The following NME7 variants were observed in gnomAD, a reference collection of about 807,000 sequenced individuals.
NME7 encodes the protein NME/NM23 family member 7, also known as nucleoside diphosphate kinase 7.
In NME7, 41 loss-of-function variants were observed where a neutral mutation model predicts 49.1. The ratio of observed to expected loss-of-function variants is 0.83; its 90% CI spans 0.65 to 1.08. The LOEUF (loss-of-function observed/expected upper bound fraction) is 1.08, where lower values mean the gene tolerates loss of function less well. Among genes scored for constraint, NME7 ranks in the 50% least tolerant of loss-of-function variants. The pLI is 0.00. For synonymous variants in NME7, 139 were observed against 150.6 expected (o/e 0.92, Z 0.56); for missense variants, 423 against 463.4 (o/e 0.91, Z 0.80).
intron 10 of NME7, among the ~76,000 whole-genome samples, chr1:169,185,131 A>C (rs1288294286): frequency 2.0e-5 from 3 of 152,198 alleles, no homozygotes; most frequent in African/African-American, 7.2e-5. Flanking sequence ...TAGTTCAGCA[A>C]AATGCAATTG....
chr1:169,231,169 T>A (rs1647597502), intron 9 of NME7, among the ~76,000 whole-genome samples: 1 of 152,164 alleles, frequency 6.6e-6, no homozygotes, highest in African/African-American at 2.4e-5. Flanking sequence ...AAAGGTTTTA[T>A]CCTAAAAAAC....
chr1:169,184,300 T>C lies in NME7; in HGVS notation c.991-14746A>G, dbSNP rs1040357453. Among the ~76,000 whole-genome samples the C allele has an allele frequency of 2.6e-5, 4 of 152,292 alleles. No individual in the cohort carries two copies. In the East Asian group the frequency reaches 5.8e-4, roughly 22 times the overall value. On this transcript the variant is annotated intron_variant, in intron 10 of 11. Transcript: ENST00000367811. ...CAATCTTTTAAAAAAATAAATAACTTTGAACTTCAACTAGTCTGTATAGTT... is the reference window on the plus strand; with the variant it reads ...CAATCTTTTAAAAAAATAAATAACTCTGAACTTCAACTAGTCTGTATAGTT...
At chr1:169,338,914 C>T (rs915863748) in intron 1 of NME7, among the ~76,000 whole-genome samples, 5 of 152,080 alleles carry the variant, frequency 3.3e-5, no homozygotes, top group African/African-American at 1.2e-4. Flanking sequence ...GACTGATGTT[C>T]CCACAGTAGA....
chr1:169,359,874 C>A (rs1653597157), intron 1 of NME7, among the ~76,000 whole-genome samples: 1 of 152,012 alleles, frequency 6.6e-6, no homozygotes, highest in South Asian at 2.1e-4. Context: ...CTTATTAAGG[C>A]AAAGTGTCCA....
At chr1:169,359,028 A>G (rs1034878654) in intron 1 of NME7, among the ~76,000 whole-genome samples, 3 of 152,164 alleles carry the variant, frequency 2.0e-5, no homozygotes, top group African/African-American at 7.2e-5. Flanking sequence ...AGAGTAAATG[A>G]AAGAATAAAA....
intron 1 of NME7, among the ~76,000 whole-genome samples, chr1:169,338,738 A>T (rs1284323100): frequency 2.0e-5 from 3 of 152,182 alleles, no homozygotes. Flanking sequence ...ACCCCAGCCA[A>T]TGTATATTTC....
chr1:169,354,713 C>CATAT (rs35180550), intron 1 of NME7, among the ~76,000 whole-genome samples: 4 of 140,632 alleles, frequency 2.8e-5, no homozygotes, highest in Non-Finnish European at 6.1e-5. Context: ...TAAATGTATA[C>CATAT]ATATATATAT....
intron 1 of NME7, among the ~76,000 whole-genome samples, chr1:169,337,650 A>T (rs972209487): frequency 2.6e-5 from 4 of 152,232 alleles, no homozygotes; most frequent in Non-Finnish European, 4.4e-5. Flanking sequence ...TCAATAGCAG[A>T]TCATTAAAAA....
At chr1:169,265,184 C>G (rs944339225) in intron 7 of NME7, among the ~76,000 whole-genome samples, 1 of 132,552 alleles carries the variant, frequency 7.5e-6, no homozygotes, top group African/African-American at 2.5e-5. Flanking sequence ...TGGGGACACG[C>G]CAAACCATAT....
intron 10 of NME7, among the ~76,000 whole-genome samples, chr1:169,193,208 T>C (rs1482019282): frequency 6.6e-6 from 1 of 151,766 alleles, no homozygotes; most frequent in African/African-American, 2.4e-5. Context: ...CTAATGGTTA[T>C]TGTTTTGCTA....
intron 7 of NME7, chr1:169,283,986 G>A (rs1057338049): frequency 3.3e-5 from 5 of 152,146 alleles, no homozygotes; most frequent in African/African-American, 1.2e-4. Context: ...GAATTTGAAT[G>A]TTGGTCTGTT....
intron 11 of NME7, among the ~76,000 whole-genome samples, chr1:169,145,284 C>A (rs1658716347): frequency 6.6e-6 from 1 of 152,112 alleles, no homozygotes; most frequent in Admixed American, 6.6e-5. Flanking sequence ...CCAAAGGGGA[C>A]CAGTATTTAT....
intron 1 of NME7, among the ~76,000 whole-genome samples, chr1:169,366,514 A>G (rs532814234): frequency 2.4e-4 from 37 of 152,348 alleles, no homozygotes; most frequent in African/African-American, 8.7e-4. Flanking sequence ...AAGAGAAGAA[A>G]CTGGAGAGGA....
intron 11 of NME7, among the ~76,000 whole-genome samples, chr1:169,154,091 G>A (rs971720401): frequency 2.6e-5 from 4 of 152,046 alleles, no homozygotes; most frequent in African/African-American, 9.7e-5. Context: ...ACAGCTCATG[G>A]CAACTTTGAC....
chr1:169,136,529 G>C (rs1269632732), intron 11 of NME7, among the ~76,000 whole-genome samples: 2 of 152,176 alleles, frequency 1.3e-5, no homozygotes, highest in Non-Finnish European at 2.9e-5. Flanking sequence ...ACAGGGGAGT[G>C]TCCAAACACA....
intron 10 of NME7, among the ~76,000 whole-genome samples, chr1:169,187,767 T>C (rs577385218): frequency 6.6e-6 from 1 of 152,312 alleles, no homozygotes; most frequent in South Asian, 2.1e-4. Context: ...GTTAATATTG[T>C]TATGTGTGAA....
chr1:169,288,107 T>C (rs1558024312), intron 6 of NME7, among the ~76,000 whole-genome samples: 1 of 152,186 alleles, frequency 6.6e-6, no homozygotes, highest in Non-Finnish European at 1.5e-5. Flanking sequence ...CAAAGAATCT[T>C]ACCAATGTGT....
chr1:169,367,741 T>C lies in NME7; in HGVS notation c.-31A>G, dbSNP rs1172665881. ...CAGGATCTCAGCACTAGAAAATAGG[T>C]ATCGTTGAGACAGGAAGACACCACC... is the stretch of plus-strand genomic sequence containing the variant. On this transcript the variant is annotated 5_prime_UTR_variant, in exon 1 of 12. The change creates a new upstream start codon in the 5' untranslated region. Coordinates refer to ENST00000367811, the MANE Select transcript of NME7 (RefSeq NM_013330.5). 1.2e-6 allele frequency: 2 copies of C among 1,613,784 alleles called. No individual in the cohort carries two copies. The highest frequency in any genetic ancestry group is 1.7e-6 in the Non-Finnish European group (2 of 1,179,870).
intron 7 of NME7, among the ~76,000 whole-genome samples, chr1:169,249,549 G>T (rs1044633007): frequency 5.9e-5 from 9 of 152,102 alleles, no homozygotes; most frequent in African/African-American, 2.2e-4. Context: ...TGGCATCCTT[G>T]TCTTGTTCCA....
Sources: allele counts gnomAD v4.1 joint callset (sites outside exome capture counted in the v4.1 genomes callset), GRCh38; gene constraint gnomAD v4.1.1; transcripts MANE v1.5; gene names NCBI Gene and HGNC (gene_info 2026-07-23, HGNC 2026-07-21).